The following STXBP4 variants were observed in gnomAD, a reference collection of about 807,000 sequenced individuals.
STXBP4 encodes the protein syntaxin binding protein 4.
STXBP4 carries 55 observed loss-of-function variants against 76.1 expected under a neutral mutation model. The observed-to-expected ratio is 0.72, with a 90% CI of 0.58 to 0.91. The LOEUF (loss-of-function observed/expected upper bound fraction) is 0.91. STXBP4 is among the 40% of genes least tolerant of loss of function. The pLI is 0.00. For synonymous variants in STXBP4, 201 were observed against 220.2 expected (o/e 0.91, Z 0.77); for missense variants, 618 against 636.9 (o/e 0.97, Z 0.32).
downstream of STXBP4, among the ~76,000 whole-genome samples, chr17:55,177,234 C>A (rs2080434441): frequency 6.6e-6 from 1 of 151,942 alleles, no homozygotes; most frequent in Non-Finnish European, 1.5e-5. Context: ...TTTTTAAAAA[C>A]TCCCAGGTGT....
downstream of STXBP4, chr17:55,173,652 A>G (rs1303554980): frequency 6.6e-6 from 1 of 152,210 alleles, no homozygotes; most frequent in Non-Finnish European, 1.5e-5. Flanking sequence ...TTTTGTGTGA[A>G]CATAAGTATT....
At chr17:55,030,417 G>A (rs2078486290) in intron 8 of STXBP4, among the ~76,000 whole-genome samples, 2 of 152,044 alleles carry the variant, frequency 1.3e-5, no homozygotes, top group African/African-American at 2.4e-5. Context: ...GTACTCTATG[G>A]CACTTCCCCT....
At chr17:55,038,198 A>G (rs1176437668) in intron 10 of STXBP4, among the ~76,000 whole-genome samples, 3 of 152,058 alleles carry the variant, frequency 2.0e-5, no homozygotes, top group Non-Finnish European at 2.9e-5. Flanking sequence ...AATCTAATAT[A>G]TACAGAATAA....
chr17:55,158,061 T>G (rs1962714295), intron 17 of STXBP4, among the ~76,000 whole-genome samples: 1 of 152,180 alleles, frequency 6.6e-6, no homozygotes, highest in Non-Finnish European at 1.5e-5. Context: ...CACATAACAT[T>G]GATTAATTGA....
chr17:55,080,234 G>T (rs1439236615), intron 15 of STXBP4, among the ~76,000 whole-genome samples: 1 of 152,120 alleles, frequency 6.6e-6, no homozygotes, highest in Non-Finnish European at 1.5e-5. Context: ...ACATTTCATG[G>T]TGTCTTAGTA....
Position 55,007,505 on chromosome 17 carries a change from G to A in STXBP4, c.575-1G>A. The A allele has an allele frequency of 6.2e-7, 1 of 1,609,096 alleles. No individual in the cohort carries two copies. Among genetic ancestry groups the A allele is most frequent in the Non-Finnish European group, 8.5e-7 (1 of 1,177,416 alleles). On this transcript the variant is annotated splice_acceptor_variant, in intron 7 of 17. Coordinates refer to ENST00000376352, the MANE Select transcript of STXBP4 (RefSeq NM_178509.6). LOFTEE classifies it high-confidence loss of function. Reference sequence around the variant, plus strand: ...TTAATGTGCACCCTGTTGTCTCTTAGATGTTGCTTCTGCCTGGACTGAAAA... The same window carrying A: ...TTAATGTGCACCCTGTTGTCTCTTAAATGTTGCTTCTGCCTGGACTGAAAA...
intron 12 of STXBP4, among the ~76,000 whole-genome samples, chr17:55,071,505 A>G (rs1449189720): frequency 2.6e-5 from 4 of 152,012 alleles, no homozygotes; most frequent in African/African-American, 7.3e-5. Context: ...TCCTAACTCC[A>G]TTCCTCCTGC....
At chr17:55,129,413 A>C (rs1294691101) in intron 16 of STXBP4, among the ~76,000 whole-genome samples, 1 of 151,984 alleles carries the variant, frequency 6.6e-6, no homozygotes, top group Non-Finnish European at 1.5e-5. Flanking sequence ...TTATAATCCC[A>C]TGACAAAAAA....
At chr17:55,058,530 A>AT (rs964384228) in intron 12 of STXBP4, among the ~76,000 whole-genome samples, 3 of 152,094 alleles carry the variant, frequency 2.0e-5, no homozygotes, top group Admixed American at 6.6e-5. Context: ...TGCAAGTTTG[A>AT]TTTTTTTAGG....
At chr17:55,206,890 G>C in the STXBP4 span, among the ~76,000 whole-genome samples, 3 of 148,778 alleles carry the variant, frequency 2.0e-5, no homozygotes, top group African/African-American at 7.4e-5. Context: ...AGGTGTCAAA[G>C]GAAAAGGACA....
chr17:55,095,185 G>GA (rs1316838445), intron 16 of STXBP4, among the ~76,000 whole-genome samples: 3 of 152,100 alleles, frequency 2.0e-5, no homozygotes, highest in Non-Finnish European at 4.4e-5. Context: ...CACAAAGGCA[G>GA]AAAAAATGCA....
chr17:55,138,018 C>T (rs931194127), intron 16 of STXBP4, among the ~76,000 whole-genome samples: 9 of 152,090 alleles, frequency 5.9e-5, no homozygotes, highest in Admixed American at 4.6e-4. Context: ...TCATGCCCTA[C>T]ATGTTTCACG....
At chr17:55,083,654 A>G (rs1246910332) in intron 16 of STXBP4, among the ~76,000 whole-genome samples, 1 of 152,134 alleles carries the variant, frequency 6.6e-6, no homozygotes, top group East Asian at 1.9e-4. Context: ...TGATGACTCT[A>G]CTGGGCTGGA....
the STXBP4 span, among the ~76,000 whole-genome samples, chr17:55,181,455 G>C: frequency 1.3e-5 from 2 of 152,132 alleles, no homozygotes; most frequent in African/African-American, 4.8e-5. Flanking sequence ...TTCTTTTGCT[G>C]ATATCTCATT....
At chr17:55,038,758 G>T in intron 10 of STXBP4, among the ~76,000 whole-genome samples, 1 of 145,972 alleles carries the variant, frequency 6.9e-6, no homozygotes, top group South Asian at 2.1e-4. Flanking sequence ...GACTAATCAA[G>T]TACTGTATCA....
chr17:55,128,166 AG>A (rs2079933003), intron 16 of STXBP4, among the ~76,000 whole-genome samples: 3 of 152,370 alleles, frequency 2.0e-5, no homozygotes, highest in Admixed American at 2.0e-4. Context: ...TTCTACAGTC[AG>A]TCAACAGATA....
chr17:55,088,696 C>G (rs1346623714), intron 16 of STXBP4, among the ~76,000 whole-genome samples: 1 of 152,164 alleles, frequency 6.6e-6, no homozygotes, highest in Non-Finnish European at 1.5e-5. Flanking sequence ...CGTGCCAGGC[C>G]TAGAAGACAA....
At chr17:55,114,318 A>G (rs1164128271) in intron 16 of STXBP4, among the ~76,000 whole-genome samples, 2 of 152,080 alleles carry the variant, frequency 1.3e-5, no homozygotes, top group Admixed American at 6.6e-5. Flanking sequence ...AATGGCCTTA[A>G]AGTTGCATTG....
intron 4 of STXBP4, among the ~76,000 whole-genome samples, chr17:54,994,277 T>C (rs549390073): frequency 7.0e-4 from 106 of 152,310 alleles, no homozygotes; most frequent in Non-Finnish European, 1.2e-3. Flanking sequence ...TTAAGCTTCA[T>C]ACCCATATTC....
Sources: gnomAD v4.1 joint callset for allele counts (sites outside exome capture counted in the v4.1 genomes callset) on GRCh38, gnomAD v4.1.1 for gene constraint, MANE v1.5 for transcripts, NCBI Gene and HGNC (gene_info 2026-07-23, HGNC 2026-07-21) for gene names.